Variants in SLC38A4 observed in about 807,000 individuals in gnomAD.
SLC38A4 encodes the protein solute carrier family 38 member 4.
A neutral mutation model predicts 63.1 loss-of-function variants in SLC38A4; 20 were observed. The observed-to-expected ratio is 0.32, with a 90% CI of 0.22 to 0.46. The LOEUF (loss-of-function observed/expected upper bound fraction) is 0.46. Among genes scored for constraint, SLC38A4 ranks in the 20% least tolerant of loss-of-function variants. The pLI, the probability that SLC38A4 is intolerant of heterozygous loss-of-function variation, is 1.00. For missense variants in SLC38A4, 526 were observed against 663.6 expected (o/e 0.79, Z 2.28); for synonymous variants, 230 against 225.5 (o/e 1.02, Z -0.18).
chr12:46,817,384 G>T (rs1939461192), intron 1 of SLC38A4, among the ~76,000 whole-genome samples: 1 of 69,320 alleles, frequency 1.4e-5, no homozygotes, highest in African/African-American at 6.7e-5. Flanking sequence ...GTTGGTTCAG[G>T]AACAGGACTC....
upstream of SLC38A4, among the ~76,000 whole-genome samples, chr12:46,827,293 T>C (rs1381121402): frequency 6.6e-6 from 1 of 152,228 alleles, no homozygotes; most frequent in African/African-American, 2.4e-5. Flanking sequence ...TATGGACATT[T>C]GCTAACATTT....
At chr12:46,767,035 G>A (rs183466861) in intron 16 of SLC38A4, among the ~76,000 whole-genome samples, 1 of 152,064 alleles carries the variant, frequency 6.6e-6, no homozygotes, top group African/African-American at 2.4e-5. Context: ...ATAGTTAATT[G>A]ATTTAGTACA....
intron 1 of SLC38A4, among the ~76,000 whole-genome samples, chr12:46,810,875 C>A (rs1353084495): frequency 1.3e-5 from 2 of 152,008 alleles, no homozygotes; most frequent in Non-Finnish European, 2.9e-5. Context: ...AAACAATCAA[C>A]TCCCTTAAAA....
chr12:46,795,137 C>T (rs537200978), intron 2 of SLC38A4, among the ~76,000 whole-genome samples: 1 of 152,102 alleles, frequency 6.6e-6, no homozygotes, highest in Admixed American at 6.6e-5. Context: ...CTGAATAATT[C>T]ACTAAAGCTT....
At chr12:46,798,170 C>G (rs1329897406) in intron 2 of SLC38A4, among the ~76,000 whole-genome samples, 1 of 152,128 alleles carries the variant, frequency 6.6e-6, no homozygotes, top group Non-Finnish European at 1.5e-5. Context: ...ATCTTTGAAA[C>G]ATAACAGCAA....
chr12:46,817,042 G>A (rs1371691315), intron 1 of SLC38A4, among the ~76,000 whole-genome samples: 2 of 146,548 alleles, frequency 1.4e-5, no homozygotes. Flanking sequence ...AGCTTAAGGG[G>A]AAGATATGGT....
At chr12:46,803,028 A>C (rs1361696292) in intron 2 of SLC38A4, among the ~76,000 whole-genome samples, 1 of 152,016 alleles carries the variant, frequency 6.6e-6, no homozygotes, top group Non-Finnish European at 1.5e-5. Context: ...TCCTTAACTA[A>C]AATGGTCAAA....
intron 1 of SLC38A4, among the ~76,000 whole-genome samples, chr12:46,831,058 C>G (rs1243358318): frequency 6.6e-6 from 1 of 152,208 alleles, no homozygotes; most frequent in Non-Finnish European, 1.5e-5. Flanking sequence ...ATTCCAGGGT[C>G]AGTCCTGGTG....
upstream of SLC38A4, among the ~76,000 whole-genome samples, chr12:46,827,361 C>T (rs1314969983): frequency 6.6e-6 from 1 of 152,034 alleles, no homozygotes; most frequent in Non-Finnish European, 1.5e-5. Flanking sequence ...ACATTATGAC[C>T]AAGAGTATTT....
At chr12:46,778,215 C>T in intron 12 of SLC38A4, 74 bp downstream of exon 12, 1 of 1,398,262 alleles carries the variant, frequency 7.2e-7, no homozygotes, top group Non-Finnish European at 1.0e-6. Flanking sequence ...AACTGTGTTT[C>T]CTGTTAAAGA....
intron 10 of SLC38A4, 77 bp from the exon 11 acceptor site, chr12:46,778,853 G>A: frequency 7.3e-7 from 1 of 1,375,692 alleles, no homozygotes; most frequent in Non-Finnish European, 1.0e-6. Flanking sequence ...CATATGTGTG[G>A]CTTATAGGGT....
chr12:46,822,048 G>C (rs1939560792), intron 1 of SLC38A4, among the ~76,000 whole-genome samples: 2 of 151,928 alleles, frequency 1.3e-5, no homozygotes, highest in African/African-American at 4.8e-5. Flanking sequence ...TACTGAATTT[G>C]CTTACTAGAT....
At chr12:46,796,087 A>T (rs1938997532) in intron 2 of SLC38A4, among the ~76,000 whole-genome samples, 1 of 152,066 alleles carries the variant, frequency 6.6e-6, no homozygotes, top group Admixed American at 6.6e-5. Flanking sequence ...TTTATGTTCG[A>T]TCTGTTCATC....
chr12:46,777,139 C>T, intron 12 of SLC38A4, 135 bp from the exon 13 acceptor site: 1 of 704,008 alleles, frequency 1.4e-6, no homozygotes, highest in Non-Finnish European at 2.3e-6. Context: ...AAACTTATAG[C>T]TGATTTAAAT....
chr12:46,807,025 T>C (rs183427479), intron 1 of SLC38A4, among the ~76,000 whole-genome samples: 1 of 152,076 alleles, frequency 6.6e-6, no homozygotes, highest in African/African-American at 2.4e-5. Context: ...ACCATCATGG[T>C]ATTTTGCAAC....
rs759787871 is a variant in SLC38A4 at position 46,779,797 on chromosome 12, G to A, written c.641C>T (p.Ser214Leu). The A allele has an allele frequency of 1.2e-5, 20 of 1,610,750 alleles. No individual in the cohort carries two copies. The highest frequency in any genetic ancestry group is 1.7e-4 in the Middle Eastern group (1 of 6,040). ...ATCTTTACCTAAATTTTTAAGGAGC[G>A]AAAGTGGAAGAATAATTCCAACAGA... is the stretch of plus-strand genomic sequence containing the variant. ...FVSVGIILPLSLLKNLGYLGY... is the reference protein window; with the variant it reads ...FVSVGIILPLLLLKNLGYLGY... The change falls in exon 9 of 17, where the codon TCG becomes TTG. Residue 214 changes from serine (S) to leucine (L), a missense_variant. Ser to Leu is a moderately radical substitution (Grantham distance 145, BLOSUM62 -2). Coordinates refer to ENST00000266579, the MANE Select transcript of SLC38A4 (RefSeq NM_018018.5).
intron 3 of SLC38A4, 143 bp from the exon 4 acceptor site, chr12:46,788,761 A>G (rs1431201088): frequency 4.4e-6 from 3 of 681,682 alleles, no homozygotes; most frequent in Non-Finnish European, 5.0e-6. Context: ...CTTCACACTA[A>G]CGGTCATTCC....
chr12:46,786,989 C>T (rs1257974090), intron 5 of SLC38A4, among the ~76,000 whole-genome samples: 2 of 152,222 alleles, frequency 1.3e-5, no homozygotes, highest in Non-Finnish European at 2.9e-5. Context: ...AAGAATTCCA[C>T]TGCTGCCAAC....
intron 1 of SLC38A4, among the ~76,000 whole-genome samples, chr12:46,831,947 C>A (rs973976979): frequency 5.9e-5 from 9 of 152,052 alleles, no homozygotes; most frequent in Middle Eastern, 6.3e-3. Flanking sequence ...GGCGGAGGTG[C>A]CCCATACCCC....
Sources: gnomAD v4.1 joint callset for allele counts (sites outside exome capture counted in the v4.1 genomes callset) on GRCh38, gnomAD v4.1.1 for gene constraint, MANE v1.5 for transcripts, NCBI Gene and HGNC (gene_info 2026-07-23, HGNC 2026-07-21) for gene names.